The following COL23A1 variants were observed in gnomAD, a reference collection of about 807,000 sequenced individuals.
The protein encoded by COL23A1 is collagen alpha-1(XXIII) chain.
COL23A1 carries 97 observed loss-of-function variants against 99.3 expected under a neutral mutation model. The observed-to-expected ratio is 0.98, with a 90% confidence interval of 0.83 to 1.16. The LOEUF (loss-of-function observed/expected upper bound fraction) is 1.16. COL23A1 is among the 50% of genes most tolerant of loss of function. The probability of loss-of-function intolerance (pLI) is 0.00; values close to 1 mark genes in which losing one functional copy is unlikely to be tolerated. For synonymous variants in COL23A1, 320 were observed against 308.2 expected (o/e 1.04, Z -0.40); for missense variants, 762 against 757.4 (o/e 1.01, Z -0.07).
intron 2 of COL23A1, among the ~76,000 whole-genome samples, chr5:178,314,234 C>A (rs988881437): frequency 6.6e-6 from 1 of 152,122 alleles, no homozygotes; most frequent in Non-Finnish European, 1.5e-5. Flanking sequence ...TACGTCCCCC[C>A]CAGAGTCATC....
intron 2 of COL23A1, among the ~76,000 whole-genome samples, chr5:178,432,759 C>A (rs1018813066): frequency 6.6e-6 from 1 of 152,100 alleles, no homozygotes; most frequent in Non-Finnish European, 1.5e-5. Flanking sequence ...AGCCCTGGGA[C>A]AGTCGTGCTG....
At chr5:178,545,702 G>C (rs1309124331) in intron 2 of COL23A1, among the ~76,000 whole-genome samples, 1 of 152,074 alleles carries the variant, frequency 6.6e-6, no homozygotes, top group Non-Finnish European at 1.5e-5. Flanking sequence ...CAGGGATGAT[G>C]TGCTTTTCCA....
At chr5:178,505,914 C>T (rs1320536160) in intron 2 of COL23A1, among the ~76,000 whole-genome samples, 5 of 151,984 alleles carry the variant, frequency 3.3e-5, no homozygotes, top group African/African-American at 7.3e-5. Context: ...AGACAGCAGA[C>T]CCCAAGGAGA....
At chr5:178,409,562 A>G (rs1373134156) in intron 2 of COL23A1, among the ~76,000 whole-genome samples, 1 of 152,256 alleles carries the variant, frequency 6.6e-6, no homozygotes, top group Non-Finnish European at 1.5e-5. Flanking sequence ...TACCAGAGTT[A>G]CATCAGATGC....
intron 2 of COL23A1, among the ~76,000 whole-genome samples, chr5:178,319,843 A>G (rs1236627363): frequency 2.6e-5 from 4 of 152,132 alleles, no homozygotes; most frequent in Non-Finnish European, 4.4e-5. Context: ...GCAAACTGGA[A>G]CTGCGGGTCA....
intron 2 of COL23A1, among the ~76,000 whole-genome samples, chr5:178,389,182 G>T (rs1763829620): frequency 6.6e-6 from 1 of 151,840 alleles, no homozygotes. Flanking sequence ...TCACGCTCCC[G>T]TTGCCTCAGT....
Position 178,387,796 on chromosome 5 carries a change from G to T in COL23A1, c.362-80877C>A, listed in dbSNP as rs904001356. Among the ~76,000 whole-genome samples, 2 of 152,186 alleles carry T rather than the reference G, an allele frequency of 1.3e-5. No individual in the cohort carries two copies. Among genetic ancestry groups the T allele is most frequent in the Non-Finnish European group, 2.9e-5 (2 of 68,028 alleles). On this transcript the variant is annotated intron_variant, in intron 2 of 28. Transcript: ENST00000390654. This position sits in a 1 kb window ranked among gnomAD's most constrained non-coding sequence, Gnocchi z 4.7. ...CATTTTCCCCCGCGCTGTGCTTGCG[G>T]AGTTTCCCACTCCTCTGTCCCCCAG...
At chr5:178,404,940 A>G (rs184400292) in intron 2 of COL23A1, among the ~76,000 whole-genome samples, 46 of 152,346 alleles carry the variant, frequency 3.0e-4, no homozygotes, top group Middle Eastern at 3.4e-3. Flanking sequence ...GCTTTAACTT[A>G]TAATAGAAAA....
At chr5:178,263,062 T>C in intron 9 of COL23A1, 146 bp downstream of exon 9, 3 of 737,930 alleles carry the variant, frequency 4.1e-6, no homozygotes, top group South Asian at 3.1e-5. Flanking sequence ...GGAGTTAAGT[T>C]TGGGCCCAGG....
chr5:178,475,344 C>G (rs1470190835), intron 2 of COL23A1, among the ~76,000 whole-genome samples: 1 of 151,968 alleles, frequency 6.6e-6, no homozygotes, highest in Non-Finnish European at 1.5e-5. Context: ...TCCAGGAGGG[C>G]CTCTTGGAAA....
At chr5:178,505,461 G>C (rs151173942) in intron 2 of COL23A1, among the ~76,000 whole-genome samples, 4 of 152,068 alleles carry the variant, frequency 2.6e-5, no homozygotes, top group Non-Finnish European at 4.4e-5. Flanking sequence ...ATGTTGGCCA[G>C]GCTGGTCTTA....
intron 5 of COL23A1, among the ~76,000 whole-genome samples, chr5:178,287,671 C>G (rs1480769119): frequency 2.0e-5 from 3 of 152,236 alleles, no homozygotes; most frequent in Admixed American, 6.5e-5. Flanking sequence ...GAATCTGCCC[C>G]TCCCCTGACG....
chr5:178,491,224 C>G (rs1757918293), intron 2 of COL23A1, among the ~76,000 whole-genome samples: 1 of 151,976 alleles, frequency 6.6e-6, no homozygotes, highest in Non-Finnish European at 1.5e-5. Flanking sequence ...GTGTTGTTCC[C>G]AGAACTCAAG....
At position 178,414,113 on chromosome 5, in the gene COL23A1, C is replaced by T. The variant is rs141482634; in HGVS notation, c.362-107194G>A. The stretch of plus-strand genomic sequence containing the variant: ...AAGACTCCCAGCTTTACAGAGGGAG[C>T]TGAGAAGGGGGACCCTGGCCCTCTG... On this transcript the variant is annotated intron_variant, in intron 2 of 28. Transcript: ENST00000390654. Among the ~76,000 whole-genome samples, 523 of 152,304 alleles carry T rather than the reference C, an allele frequency of 3.4e-3. 5 individuals are homozygous for T. The highest frequency in any genetic ancestry group is 0.012 in the African/African-American group (496 of 41,566).
intron 2 of COL23A1, among the ~76,000 whole-genome samples, chr5:178,492,852 C>G (rs1758003277): frequency 6.6e-6 from 1 of 152,060 alleles, no homozygotes; most frequent in Admixed American, 6.6e-5. Context: ...TTTCTAATCC[C>G]AGGACGCTGG....
intron 2 of COL23A1, among the ~76,000 whole-genome samples, chr5:178,424,936 G>A (rs995381159): frequency 6.6e-6 from 1 of 152,174 alleles, no homozygotes; most frequent in Non-Finnish European, 1.5e-5. Flanking sequence ...TCCTGGCCTC[G>A]CCTCCTCCTC....
At chr5:178,583,026 C>G (rs1162861872) in intron 1 of COL23A1, among the ~76,000 whole-genome samples, 4 of 152,252 alleles carry the variant, frequency 2.6e-5, no homozygotes, top group Middle Eastern at 3.2e-3. Context: ...GCGTGCTCTT[C>G]CGCCTCTGTG....
At chr5:178,576,717 G>A (rs1167034478) in intron 1 of COL23A1, among the ~76,000 whole-genome samples, 6 of 151,988 alleles carry the variant, frequency 3.9e-5, no homozygotes, top group African/African-American at 7.2e-5. Flanking sequence ...TCTCCTCCCC[G>A]GGCCCCGCGC....
chr5:178,545,876 C>T (rs1004715508), intron 2 of COL23A1, among the ~76,000 whole-genome samples: 2 of 152,192 alleles, frequency 1.3e-5, no homozygotes, highest in African/African-American at 4.8e-5. Context: ...TCCACATAAA[C>T]TTGCCTCAGT....
Sources: allele counts gnomAD v4.1 joint callset (sites outside exome capture counted in the v4.1 genomes callset), GRCh38; gene constraint gnomAD v4.1.1; non-coding constraint Gnocchi (gnomAD v3.1); transcripts MANE v1.5; gene names NCBI Gene and HGNC (gene_info 2026-07-23, HGNC 2026-07-21).